Variants in NINJ2 observed in about 807,000 individuals in gnomAD.
The protein encoded by NINJ2 is ninjurin 2, also known as ninjurin-2.
In NINJ2, 12 loss-of-function variants were observed where a neutral mutation model predicts 11.7. The ratio of observed to expected loss-of-function variants is 1.02; its 90% CI spans 0.66 to 1.66. The LOEUF is 1.66. NINJ2 is among the 40% of genes most tolerant of loss of function. The pLI is 0.00. For synonymous variants in NINJ2, 93 were observed against 76.8 expected, an observed-to-expected ratio of 1.21 and a Z score of -1.10; for missense variants, 187 against 181.8, an observed-to-expected ratio of 1.03 and a Z score of -0.16.
chr12:642,214 A>C (rs1565646344), intron 1 of NINJ2, among the ~76,000 whole-genome samples: 1 of 152,204 alleles, frequency 6.6e-6, no homozygotes, highest in Admixed American at 6.5e-5. Flanking sequence ...GTCTATGCAA[A>C]ATGCCTGCTT....
chr12:590,059 G>T (rs949084448), intron 1 of NINJ2, among the ~76,000 whole-genome samples: 6 of 152,170 alleles, frequency 3.9e-5, no homozygotes, highest in Non-Finnish European at 7.4e-5. Context: ...CAGTAGGAAG[G>T]TTATCCGCAG....
chr12:656,173 G>A (rs1025162274), intron 1 of NINJ2, among the ~76,000 whole-genome samples: 1 of 151,694 alleles, frequency 6.6e-6, no homozygotes, highest in African/African-American at 2.4e-5. Context: ...GACCATCCTG[G>A]CCAACATGGT....
intron 1 of NINJ2, among the ~76,000 whole-genome samples, chr12:598,545 G>T (rs139971995): frequency 5.3e-5 from 8 of 152,186 alleles, no homozygotes; most frequent in African/African-American, 1.2e-4. Context: ...GAGGAGAAAG[G>T]GGGGGAGACA....
chr12:620,220 C>T (rs576211293), intron 1 of NINJ2, among the ~76,000 whole-genome samples: 66 of 152,390 alleles, frequency 4.3e-4, no homozygotes, highest in African/African-American at 1.5e-3. Context: ...CCATGGGCAT[C>T]TCTTGACATA....
intron 1 of NINJ2, among the ~76,000 whole-genome samples, chr12:572,424 G>C (rs1339367971): frequency 1.3e-5 from 2 of 152,252 alleles, no homozygotes; most frequent in Non-Finnish European, 2.9e-5. Context: ...TTGAGAAGGG[G>C]ACAGTGGCGA....
chr12:601,586 AGGTGCGGT>A (rs1565630861), intron 1 of NINJ2, among the ~76,000 whole-genome samples: 1 of 138,360 alleles, frequency 7.2e-6, no homozygotes, highest in African/African-American at 2.8e-5. Context: ...ACAAATAGCC[AGGTGCGGT>A]GGCTCACGCC....
At chr12:588,222 GGAAGGGACA>G (rs1947670600) in intron 1 of NINJ2, among the ~76,000 whole-genome samples, 2 of 150,694 alleles carry the variant, frequency 1.3e-5, no homozygotes, top group African/African-American at 5.0e-5. Flanking sequence ...CGGAGGGGAC[GGAAGGGACA>G]GAAGGGAGGG....
intron 3 of NINJ2, 30 bp downstream of exon 3, chr12:565,187 T>C (rs1354500577): frequency 1.3e-6 from 2 of 1,565,100 alleles, no homozygotes; most frequent in Admixed American, 3.6e-5. Flanking sequence ...GGGGAGTCCC[T>C]GGAGCTGGGG....
intron 1 of NINJ2, among the ~76,000 whole-genome samples, chr12:611,323 C>T: frequency 6.7e-6 from 1 of 149,348 alleles, no homozygotes; most frequent in East Asian, 2.0e-4. Context: ...CTCTCTCTCT[C>T]TTTCTTTCTT....
At chr12:647,357 C>T (rs1457497733) in intron 1 of NINJ2, among the ~76,000 whole-genome samples, 1 of 152,154 alleles carries the variant, frequency 6.6e-6, no homozygotes, top group Non-Finnish European at 1.5e-5. Flanking sequence ...AATCCCAAAG[C>T]ACCTCTCATC....
chr12:566,518 G>C (rs1221096706), intron 1 of NINJ2, among the ~76,000 whole-genome samples: 2 of 152,192 alleles, frequency 1.3e-5, no homozygotes, highest in Non-Finnish European at 1.5e-5. Flanking sequence ...ACCTGGGCCA[G>C]GCCTCAGCTT....
chr12:590,652 C>G (rs186382494), intron 1 of NINJ2: 1 of 152,408 alleles, frequency 6.6e-6, no homozygotes, highest in East Asian at 1.9e-4. Flanking sequence ...AGGGCATAGT[C>G]CTTTGTGGCT....
intron 1 of NINJ2, among the ~76,000 whole-genome samples, chr12:646,821 G>C (rs577732111): frequency 1.3e-5 from 2 of 152,296 alleles, no homozygotes; most frequent in East Asian, 3.9e-4. Context: ...ACCAAAGCCT[G>C]ACCCCTCAAA....
intron 1 of NINJ2, among the ~76,000 whole-genome samples, chr12:656,254 C>G (rs1372971865): frequency 6.6e-6 from 1 of 151,860 alleles, no homozygotes; most frequent in East Asian, 1.9e-4. Context: ...GTCCCAGCTA[C>G]TTGGGAAGCT....
At chr12:641,844 C>CA (rs10549771) in intron 1 of NINJ2, among the ~76,000 whole-genome samples, 2,664 of 116,728 alleles carry the variant, frequency 0.023, 72 homozygotes, top group African/African-American at 0.071. Context: ...GACTCCGTCT[C>CA]AAAAAAAAAA....
chr12:636,236 C>T (rs1948350967), intron 1 of NINJ2, among the ~76,000 whole-genome samples: 3 of 151,854 alleles, frequency 2.0e-5, no homozygotes, highest in African/African-American at 7.3e-5. Context: ...ATTAGCCAGG[C>T]GTGGTGGCAC....
intron 1 of NINJ2, among the ~76,000 whole-genome samples, chr12:592,076 A>G (rs547317749): frequency 2.0e-5 from 3 of 152,004 alleles, no homozygotes; most frequent in African/African-American, 7.3e-5. Flanking sequence ...TCTGTGACAG[A>G]TGAAAAATAG....
At chr12:566,320 C>T in intron 1 of NINJ2, 142 bp from the exon 2 acceptor site, 1 of 661,042 alleles carries the variant, frequency 1.5e-6, no homozygotes, top group Non-Finnish European at 2.6e-6. Context: ...GTTTCATGGC[C>T]TGATAAAATG....
chr12:584,430 G>C (rs1251545932), intron 1 of NINJ2, among the ~76,000 whole-genome samples: 2 of 152,158 alleles, frequency 1.3e-5, no homozygotes, highest in African/African-American at 4.8e-5. Flanking sequence ...CAGCACTATG[G>C]GAGGCTGAGC....
Sources: gnomAD v4.1 joint callset for allele counts (sites outside exome capture counted in the v4.1 genomes callset) on GRCh38, gnomAD v4.1.1 for gene constraint, MANE v1.5 for transcripts, NCBI Gene and HGNC (gene_info 2026-07-23, HGNC 2026-07-21) for gene names.